Variants in ZNF799 observed in about 807,000 individuals in gnomAD.
The protein encoded by ZNF799 is zinc finger protein 14.
In ZNF799, 28 loss-of-function variants were observed where a neutral mutation model predicts 41.0. That is an observed-to-expected ratio of 0.68 (90% CI 0.51 to 0.94). The LOEUF is 0.94. Ranked by LOEUF, ZNF799 falls within the 40% of genes least tolerant of loss-of-function variation. ZNF799 has a pLI of 0.00. For missense variants in ZNF799, 716 were observed against 764.3 expected, an observed-to-expected ratio of 0.94 and a Z score of 0.74; for synonymous variants, 213 against 252.9, an observed-to-expected ratio of 0.84 and a Z score of 1.50.
intron 1 of ZNF799, among the ~76,000 whole-genome samples, chr19:12,396,618 C>T (rs1969897274): frequency 6.6e-6 from 1 of 152,142 alleles, no homozygotes; most frequent in Non-Finnish European, 1.5e-5. Flanking sequence ...CACTGCACTT[C>T]AGCCTGGGCA....
chr19:12,401,950 C>T (rs1481191804), upstream of ZNF799, among the ~76,000 whole-genome samples: 1 of 152,222 alleles, frequency 6.6e-6, no homozygotes, highest in Non-Finnish European at 1.5e-5. Context: ...TATAGTCACT[C>T]TGTTGTGCTA....
chr19:12,390,989 T>C lies in ZNF799; in HGVS notation c.1409A>G (p.His470Arg). ...ACACTCATATGGCTTCTCTCCAGCA[T>C]GAGTTGTTTTGTGATTTTGAAAGGA... ...FYSFQNHKTT[H>R]AGEKPYECKE... The change falls in exon 4 of 4, where the codon CAT becomes CGT. Residue 470 changes from histidine to arginine, a missense_variant. By Grantham distance (29) the His-to-Arg change is conservative. This residue lies in a region of ZNF799 where 698 missense variants were observed against 713.6 expected (regional missense o/e 0.98). Coordinates refer to ENST00000430385, the MANE Select transcript of ZNF799 (RefSeq NM_001080821.3). 6.2e-7 allele frequency: 1 copy of C among 1,614,152 alleles called. No individual in the cohort carries two copies. The highest frequency in any genetic ancestry group is 8.5e-7 in the Non-Finnish European group (1 of 1,180,006).
At chr19:12,409,461 C>A in the ZNF799 span, among the ~76,000 whole-genome samples, 1 of 152,166 alleles carries the variant, frequency 6.6e-6, no homozygotes, top group Non-Finnish European at 1.5e-5. Context: ...TGAAGGAGAA[C>A]AATTCCCCTC....
At chr19:12,398,403 TC>T (rs1274054409) in intron 1 of ZNF799, among the ~76,000 whole-genome samples, 4 of 152,176 alleles carry the variant, frequency 2.6e-5, no homozygotes, top group Non-Finnish European at 5.9e-5. Flanking sequence ...GTTTGATGAA[TC>T]CAGGAAAATC....
chr19:12,392,551 C>T, intron 3 of ZNF799, 52 bp downstream of exon 3: 3 of 1,461,496 alleles, frequency 2.1e-6, no homozygotes, highest in Non-Finnish European at 2.8e-6. Flanking sequence ...ATTTTCATAT[C>T]ATTCTCAGAA....
At chr19:12,394,023 G>A (rs965550498) in intron 1 of ZNF799, 2 of 153,574 alleles carry the variant, frequency 1.3e-5, no homozygotes, top group Admixed American at 6.5e-5. Flanking sequence ...AGGTTTGAAT[G>A]GTTGTCCCCT....
Position 12,391,996 on chromosome 19 carries a change from A to C in ZNF799, c.402T>G (p.His134Gln), listed in dbSNP as rs1356583748. 1 of 1,614,182 alleles carries C rather than the reference A, an allele frequency of 6.2e-7. No individual in the cohort carries two copies. Among genetic ancestry groups the C allele is most frequent in the Non-Finnish European group, 8.5e-7 (1 of 1,180,024 alleles). ...GCGTATCTGGCTTCTCTCCACATTC[A>C]TGATACTCATATGGTTTGTGCCCAG... Reference protein sequence around the residue: ...VGAGHKPYEYHECGEKPDTHK... With the variant: ...VGAGHKPYEYQECGEKPDTHK... The change falls in exon 4 of 4, where the codon CAT becomes CAG. Residue 134 changes from histidine to glutamine, a missense_variant. By Grantham distance (24) the His-to-Gln change is conservative. Around this residue, in one of 2 missense-constraint regions of ZNF799, gnomAD observed 698 missense variants for 713.6 expected, o/e 0.98. Coordinates refer to ENST00000430385, the MANE Select transcript of ZNF799 (RefSeq NM_001080821.3).
the ZNF799 span, among the ~76,000 whole-genome samples, chr19:12,414,639 C>T: frequency 6.6e-6 from 1 of 152,146 alleles, no homozygotes; most frequent in Non-Finnish European, 1.5e-5. Context: ...CATAAAAGCA[C>T]ATCAACAATG....
chr19:12,401,635 T>C (rs1488393779), upstream of ZNF799, among the ~76,000 whole-genome samples: 1 of 123,714 alleles, frequency 8.1e-6, no homozygotes, highest in Non-Finnish European at 1.6e-5. Context: ...TAGAGTGCAA[T>C]GGTGCGAGGC....
intron 1 of ZNF799, chr19:12,400,832 G>A: frequency 3.1e-6 from 2 of 646,270 alleles, no homozygotes; most frequent in East Asian, 2.9e-5. Flanking sequence ...CGGGCGCGGA[G>A]CTGCCCAGAG....
the ZNF799 span, among the ~76,000 whole-genome samples, chr19:12,414,050 T>G: frequency 1.3e-5 from 2 of 152,164 alleles, no homozygotes; most frequent in African/African-American, 4.8e-5. Context: ...CACAGAACTT[T>G]CAGGGCGTCT....
upstream of ZNF799, among the ~76,000 whole-genome samples, chr19:12,405,209 A>G (rs1970021192): frequency 6.6e-6 from 1 of 150,812 alleles, no homozygotes; most frequent in African/African-American, 2.4e-5. Context: ...AATATTTAAT[A>G]AACTCCCATT....
chr19:12,394,531 G>C (rs1186830873), intron 1 of ZNF799: 2 of 959,138 alleles, frequency 2.1e-6, no homozygotes, highest in Non-Finnish European at 1.2e-6. Context: ...TATACTTACA[G>C]AGAATATTTG....
the ZNF799 span, among the ~76,000 whole-genome samples, chr19:12,412,176 T>G: frequency 7.9e-5 from 12 of 152,136 alleles, no homozygotes; most frequent in African/African-American, 2.7e-4. Context: ...TCTGGGGAAC[T>G]TGCGCATACT....
At chr19:12,401,580 GA>G (rs1384178639), upstream of ZNF799, among the ~76,000 whole-genome samples, 105 of 121,616 alleles carry the variant, frequency 8.6e-4, no homozygotes, top group African/African-American at 3.2e-3. Flanking sequence ...GAGAGAGAGA[GA>G]GAGAGAGAGA....
At chr19:12,411,148 A>C in the ZNF799 span, among the ~76,000 whole-genome samples, 1 of 152,342 alleles carries the variant, frequency 6.6e-6, no homozygotes, top group African/African-American at 2.4e-5. Context: ...GAAGACTGCT[A>C]TCTGCAAACC....
upstream of ZNF799, among the ~76,000 whole-genome samples, chr19:12,403,438 G>A (rs1474330498): frequency 6.6e-6 from 1 of 151,440 alleles, no homozygotes; most frequent in Non-Finnish European, 1.5e-5. Flanking sequence ...TTTCTACTCT[G>A]ATTTTTATTA....
intron 1 of ZNF799, 156 bp downstream of exon 1, chr19:12,400,912 C>G: frequency 7.3e-7 from 1 of 1,373,524 alleles, no homozygotes; most frequent in East Asian, 2.3e-5. Flanking sequence ...GCATGCCCAG[C>G]CCCACCCTGC....
rs1341134865 is a variant in ZNF799, at chr19:12,390,671, T to C, written c.1727A>G (p.Gln576Arg). ...TCCAGTATGAGTTTTTTCATGTCCT[T>C]GAAGAAAACGGGAATGAGTGAAGGC... ...GKAFTHSRFL[Q>R]GHEKTHTGEN... The change falls in exon 4 of 4, where the codon CAA becomes CGA. Residue 576 changes from glutamine to arginine, a missense_variant. Coordinates refer to ENST00000430385, the MANE Select transcript of ZNF799 (RefSeq NM_001080821.3). The C allele has an allele frequency of 2.5e-6, 4 of 1,613,846 alleles. No homozygotes were observed. In the South Asian group the frequency reaches 4.4e-5, roughly 18 times the overall value.
Sources: gnomAD v4.1 joint callset for allele counts (sites outside exome capture counted in the v4.1 genomes callset) on GRCh38, gnomAD v4.1.1 for gene constraint, gnomAD v4.1.1 regional missense constraint, MANE v1.5 for transcripts, NCBI Gene and HGNC (gene_info 2026-07-23, HGNC 2026-07-21) for gene names.